SGCD: variants seen among roughly 807,000 people sequenced by gnomAD.
SGCD encodes the protein sarcoglycan delta.
Under a neutral mutation model 36.6 loss-of-function variants are expected in SGCD, and 18 were observed. The ratio of observed to expected loss-of-function variants is 0.49; its 90% CI spans 0.34 to 0.73. The LOEUF (loss-of-function observed/expected upper bound fraction) is 0.73, where lower values mean the gene tolerates loss of function less well. Ranked by LOEUF, SGCD falls within the 30% of genes least tolerant of loss-of-function variation. The pLI, the probability that SGCD is intolerant of heterozygous loss-of-function variation, is 0.01. For synonymous variants in SGCD, 133 were observed against 130.6 expected, an observed-to-expected ratio of 1.02 and a Z score of -0.12; for missense variants, 387 against 346.7, an observed-to-expected ratio of 1.12 and a Z score of -0.92.
At chr5:156,391,702 G>A (rs1194614293) in intron 3 of SGCD, among the ~76,000 whole-genome samples, 2 of 152,176 alleles carry the variant, frequency 1.3e-5, no homozygotes, top group African/African-American at 4.8e-5. Context: ...GTGGATTTTG[G>A]TATCTGCAGG....
At chr5:155,863,494 T>G in the SGCD span, among the ~76,000 whole-genome samples, 1 of 151,946 alleles carries the variant, frequency 6.6e-6, no homozygotes, top group Non-Finnish European at 1.5e-5. Context: ...TGCTGCATTT[T>G]GAGCAGTCAT....
chr5:156,103,080 T>C (rs1256101282), intron 1 of SGCD, among the ~76,000 whole-genome samples: 1 of 152,208 alleles, frequency 6.6e-6, no homozygotes, highest in Non-Finnish European at 1.5e-5. Flanking sequence ...TTCTTAACAG[T>C]AATCAGTATA....
the SGCD span, among the ~76,000 whole-genome samples, chr5:155,852,754 T>C: frequency 0.064 from 9,727 of 152,244 alleles, 370 homozygotes; most frequent in Middle Eastern, 0.14. Context: ...TTATATGCTT[T>C]AGCGTGCATC....
At chr5:156,310,994 A>G (rs1432427251) in intron 3 of SGCD, among the ~76,000 whole-genome samples, 1 of 152,212 alleles carries the variant, frequency 6.6e-6, no homozygotes, top group Admixed American at 6.5e-5. Flanking sequence ...GAGGAGCAGT[A>G]AAAATTTCTA....
intron 3 of SGCD, among the ~76,000 whole-genome samples, chr5:156,497,948 C>T (rs1479720661): frequency 6.6e-6 from 1 of 152,088 alleles, no homozygotes; most frequent in Non-Finnish European, 1.5e-5. Flanking sequence ...AGTAGCCTGT[C>T]ACATAGTCTA....
chr5:155,855,486 A>G, the SGCD span, among the ~76,000 whole-genome samples: 17,769 of 152,186 alleles, frequency 0.12, 1,788 homozygotes, highest in African/African-American at 0.28. Context: ...CCTCAAAGTC[A>G]GCTTCTGGAG....
At chr5:155,894,012 C>T (rs901111053) in intron 1 of SGCD, among the ~76,000 whole-genome samples, 2 of 152,088 alleles carry the variant, frequency 1.3e-5, no homozygotes, top group African/African-American at 4.8e-5. Context: ...TTAAAAAGTA[C>T]ACCTGTATAA....
the SGCD span, among the ~76,000 whole-genome samples, chr5:155,848,058 T>A: frequency 6.6e-6 from 1 of 152,168 alleles, no homozygotes; most frequent in South Asian, 2.1e-4. Context: ...TTTAGATGAT[T>A]GAATGAATAA....
chr5:156,563,556 G>A (rs921971994), intron 4 of SGCD, among the ~76,000 whole-genome samples: 1 of 152,168 alleles, frequency 6.6e-6, no homozygotes, highest in Non-Finnish European at 1.5e-5. Context: ...TTCCCCCAAA[G>A]ATAGTTCTTA....
At chr5:156,210,714 CAGA>C (rs912681709) in intron 3 of SGCD, among the ~76,000 whole-genome samples, 3 of 150,118 alleles carry the variant, frequency 2.0e-5, no homozygotes, top group African/African-American at 7.4e-5. Context: ...ATTAATCAAG[CAGA>C]AGAAGAACCT....
intron 1 of SGCD, among the ~76,000 whole-genome samples, chr5:155,974,492 C>T (rs1377979834): frequency 6.6e-6 from 1 of 151,460 alleles, no homozygotes; most frequent in Non-Finnish European, 1.5e-5. Flanking sequence ...AGGTCACAAT[C>T]CACAGGGTAT....
At chr5:156,545,255 CAATACAGTGA>C in intron 4 of SGCD, among the ~76,000 whole-genome samples, 1 of 151,942 alleles carries the variant, frequency 6.6e-6, no homozygotes, top group South Asian at 2.1e-4. Context: ...ACCTTTTTTT[CAATACAGTGA>C]AAGGAAAGAG....
At chr5:155,803,813 G>A in the SGCD span, among the ~76,000 whole-genome samples, 1 of 152,156 alleles carries the variant, frequency 6.6e-6, no homozygotes, top group African/African-American at 2.4e-5. Flanking sequence ...CTTCAGTGAT[G>A]GAGCATAGGG....
chr5:156,269,489 A>C (rs1488400885), intron 3 of SGCD, among the ~76,000 whole-genome samples: 51 of 144,616 alleles, frequency 3.5e-4, no homozygotes, highest in African/African-American at 1.1e-3. Context: ...AAAAAAAAAA[A>C]AAAAAAAAAA....
At chr5:155,988,556 T>G (rs1276765406) in intron 1 of SGCD, among the ~76,000 whole-genome samples, 1 of 151,756 alleles carries the variant, frequency 6.6e-6, no homozygotes, top group Non-Finnish European at 1.5e-5. Context: ...ATGCTATTCT[T>G]CTTAATTGGT....
intron 3 of SGCD, among the ~76,000 whole-genome samples, chr5:156,370,615 T>G (rs1770330175): frequency 6.6e-6 from 1 of 152,216 alleles, no homozygotes; most frequent in African/African-American, 2.4e-5. Context: ...GAAAATACAT[T>G]TCTAGTAAAC....
At chr5:155,766,980 C>A in the SGCD span, among the ~76,000 whole-genome samples, 6 of 152,200 alleles carry the variant, frequency 3.9e-5, no homozygotes, top group South Asian at 1.0e-3. Context: ...CTTCTCCAAT[C>A]CCCAGACCAA....
chr5:156,672,862 T>C (rs1753353618), intron 7 of SGCD, among the ~76,000 whole-genome samples: 1 of 152,188 alleles, frequency 6.6e-6, no homozygotes, highest in Non-Finnish European at 1.5e-5. Context: ...AGCCTTTATG[T>C]TGCCGTTCTC....
At chr5:156,741,968 C>T (rs1003944844) in intron 7 of SGCD, among the ~76,000 whole-genome samples, 2 of 152,034 alleles carry the variant, frequency 1.3e-5, no homozygotes, top group African/African-American at 4.8e-5. Flanking sequence ...CTCCACCTCC[C>T]AGCTTCATGC....
Sources: allele counts gnomAD v4.1 joint callset (sites outside exome capture counted in the v4.1 genomes callset), GRCh38; gene constraint gnomAD v4.1.1; transcripts MANE v1.5; gene names NCBI Gene and HGNC (gene_info 2026-07-23, HGNC 2026-07-21).